Variants in RAP1A observed in about 807,000 individuals in gnomAD.
RAP1A encodes the protein RAP1A, member of RAS oncogene family.
A neutral mutation model predicts 26.4 loss-of-function variants in RAP1A; 6 were observed. That is an observed-to-expected ratio of 0.23 (90% CI 0.12 to 0.45). The LOEUF is 0.45. Ranked by LOEUF, RAP1A falls within the 20% of genes least tolerant of loss-of-function variation. The probability of loss-of-function intolerance (pLI) is 0.99; values close to 1 mark genes in which losing one functional copy is unlikely to be tolerated. For missense variants in RAP1A, 121 were observed against 217.2 expected (o/e 0.56, Z 2.78); for synonymous variants, 73 against 79.4 (o/e 0.92, Z 0.43).
At chr1:111,625,117 A>C (rs1659352895) in intron 1 of RAP1A, among the ~76,000 whole-genome samples, 2 of 152,234 alleles carry the variant, frequency 1.3e-5, no homozygotes, top group South Asian at 4.1e-4. Flanking sequence ...GCAGTATATT[A>C]AACTAAAAAA....
rs112600296 is a variant in RAP1A at position 111,692,762 on chromosome 1, TTG to T, written c.57+1349_57+1350del. On this transcript the variant is annotated intron_variant, in intron 2 of 7. Transcript: ENST00000369709. The stretch of plus-strand genomic sequence containing the variant: ...GGTACTAAACAGTGTAGACTATAAT[TTG>T]TGTTTTATATTTAAAAAAATGTAGG... Among the ~76,000 whole-genome samples the T allele has an allele frequency of 8.6e-3, 1,315 of 152,190 alleles. 18 individuals carry two copies. Among genetic ancestry groups the T allele is most frequent in the African/African-American group, 0.03 (1,254 of 41,528 alleles).
intron 1 of RAP1A, among the ~76,000 whole-genome samples, chr1:111,673,437 A>C (rs1661034559): frequency 1.3e-5 from 2 of 152,236 alleles, no homozygotes; most frequent in South Asian, 4.1e-4. Flanking sequence ...TTATGTTAAA[A>C]ATTGCAGAAA....
chr1:111,553,024 A>G (rs1539582), intron 1 of RAP1A, among the ~76,000 whole-genome samples: 148,408 of 152,310 alleles, frequency 0.97, 72,376 homozygotes, highest in Non-Finnish European at 1. Context: ...CTTTTGTGGA[A>G]CTTACGTGAA....
upstream of RAP1A, among the ~76,000 whole-genome samples, chr1:111,615,571 G>A (rs140260356): frequency 0.01 from 1,589 of 152,152 alleles, 53 homozygotes; most frequent in East Asian, 0.11. Flanking sequence ...GGTGGCTCAC[G>A]CCTGTAATCC....
intron 1 of RAP1A, among the ~76,000 whole-genome samples, chr1:111,622,571 C>G (rs1201734985): frequency 2.6e-5 from 4 of 152,196 alleles, no homozygotes; most frequent in African/African-American, 9.7e-5. Context: ...ACCTTATACT[C>G]TTAAGACTAG....
chr1:111,703,527 A>G, intron 5 of RAP1A, 51 bp downstream of exon 5: 2 of 1,416,888 alleles, frequency 1.4e-6, no homozygotes, highest in Non-Finnish European at 1.9e-6. Flanking sequence ...CTGTGGCCAA[A>G]TAAAAAAGTG....
intron 1 of RAP1A, among the ~76,000 whole-genome samples, chr1:111,672,878 T>G (rs1227226219): frequency 6.6e-6 from 1 of 152,254 alleles, no homozygotes; most frequent in Non-Finnish European, 1.5e-5. Flanking sequence ...CCCACTGTGT[T>G]TGGCATTCAT....
At chr1:111,632,960 A>C (rs1033177154) in intron 1 of RAP1A, among the ~76,000 whole-genome samples, 34 of 150,028 alleles carry the variant, frequency 2.3e-4, no homozygotes, top group Non-Finnish European at 4.0e-4. Flanking sequence ...TGCAGCCTGC[A>C]GGGACCTTCA....
rs138235011 is a variant in RAP1A, at chr1:111,626,106, T to A, written c.-28+6172T>A. 3.2e-3 allele frequency among the ~76,000 whole-genome samples: 486 copies of A among 152,332 alleles called. 4 individuals are homozygous for A. Among genetic ancestry groups the A allele is most frequent in the African/African-American group, 0.011 (473 of 41,578 alleles). ...TTGCCACAGCCTGTCATGTGTTTTATAAATCAGTGTTGTATTTTCATGATA... is the reference window on the plus strand; with the variant it reads ...TTGCCACAGCCTGTCATGTGTTTTAAAAATCAGTGTTGTATTTTCATGATA... On this transcript the variant is annotated intron_variant, in intron 1 of 7. Transcript: ENST00000369709.
At chr1:111,628,676 G>T (rs1324009578) in intron 1 of RAP1A, among the ~76,000 whole-genome samples, 1 of 152,128 alleles carries the variant, frequency 6.6e-6, no homozygotes, top group African/African-American at 2.4e-5. Flanking sequence ...AGATCTGAGG[G>T]TTTAAAGGAA....
chr1:111,629,555 A>T (rs1346229532), intron 1 of RAP1A, among the ~76,000 whole-genome samples: 1 of 152,170 alleles, frequency 6.6e-6, no homozygotes, highest in Non-Finnish European at 1.5e-5. Context: ...ACAGTGAGTT[A>T]TCATACCTTT....
intron 1 of RAP1A, among the ~76,000 whole-genome samples, chr1:111,580,091 C>G (rs777050372): frequency 2.0e-5 from 3 of 152,124 alleles, no homozygotes; most frequent in African/African-American, 7.2e-5. Context: ...ACACTGCTCC[C>G]GGCTGCCTGT....
At chr1:111,607,822 C>A (rs1452898414) in intron 1 of RAP1A, among the ~76,000 whole-genome samples, 1 of 114,194 alleles carries the variant, frequency 8.8e-6, no homozygotes, top group Non-Finnish European at 1.9e-5. Flanking sequence ...GGGGGGCTGA[C>A]CCCCCCACCT....
At chr1:111,709,076 T>A in intron 6 of RAP1A, 73 bp from the exon 7 acceptor site, 1 of 1,524,712 alleles carries the variant, frequency 6.6e-7, no homozygotes, top group East Asian at 2.3e-5. Flanking sequence ...GAATAGTACT[T>A]ACCAGAATTG....
At chr1:111,607,263 C>T (rs1658804858) in intron 1 of RAP1A, among the ~76,000 whole-genome samples, 2 of 152,070 alleles carry the variant, frequency 1.3e-5, no homozygotes. Flanking sequence ...TTTAACAAAG[C>T]ACATCTTGCA....
At chr1:111,694,872 G>C (rs1000996719) in intron 2 of RAP1A, among the ~76,000 whole-genome samples, 1 of 152,102 alleles carries the variant, frequency 6.6e-6, no homozygotes, top group Non-Finnish European at 1.5e-5. Flanking sequence ...GGCTGAGGCG[G>C]GAGGATCTCT....
intron 1 of RAP1A, among the ~76,000 whole-genome samples, chr1:111,664,385 A>T (rs866556090): frequency 6.6e-6 from 1 of 151,304 alleles, no homozygotes; most frequent in Non-Finnish European, 1.5e-5. Context: ...AAAAAAAAAA[A>T]AAAAAAAAAA....
At chr1:111,554,573 C>T (rs1657403761) in intron 1 of RAP1A, among the ~76,000 whole-genome samples, 1 of 152,180 alleles carries the variant, frequency 6.6e-6, no homozygotes, top group Non-Finnish European at 1.5e-5. Flanking sequence ...AAACATTTAT[C>T]CAGGATTGCA....
At chr1:111,636,982 T>C (rs12565590) in intron 1 of RAP1A, among the ~76,000 whole-genome samples, 47,423 of 152,052 alleles carry the variant, frequency 0.31, 7,751 homozygotes, top group East Asian at 0.47. Context: ...TAATAAAAGC[T>C]ACTCCGGTAT....
Sources: allele counts gnomAD v4.1 joint callset (sites outside exome capture counted in the v4.1 genomes callset), GRCh38; gene constraint gnomAD v4.1.1; transcripts MANE v1.5; gene names NCBI Gene and HGNC (gene_info 2026-07-23, HGNC 2026-07-21).